Variants in GLIS3 observed in about 807,000 individuals in gnomAD.
GLIS3 encodes the protein GLIS family zinc finger 3.
Under a neutral mutation model 78.6 loss-of-function variants are expected in GLIS3, and 53 were observed. The observed-to-expected ratio is 0.67, with a 90% CI of 0.54 to 0.85. The LOEUF (loss-of-function observed/expected upper bound fraction) is 0.85. GLIS3 is among the 40% of genes least tolerant of loss of function. The pLI is 0.00. For missense variants in GLIS3, 1,703 were observed against 1,231.1 expected (o/e 1.38, Z -5.74); for synonymous variants, 684 against 509.9 (o/e 1.34, Z -4.60).
the GLIS3 span, among the ~76,000 whole-genome samples, chr9:4,479,331 G>A: frequency 6.6e-6 from 1 of 152,306 alleles, no homozygotes; most frequent in Non-Finnish European, 1.5e-5. Flanking sequence ...CTGGTGTCCA[G>A]AGCATTGTCC....
At chr9:4,379,722 A>G in the GLIS3 span, among the ~76,000 whole-genome samples, 1 of 152,246 alleles carries the variant, frequency 6.6e-6, no homozygotes. Context: ...AGGGAATAAA[A>G]CATATTCATT....
At position 4,245,600 on chromosome 9, in the gene GLIS3, T is replaced by C. The variant is rs527592531; in HGVS notation, c.388+40438A>G. Among the ~76,000 whole-genome samples, 60 of 152,126 alleles carry C rather than the reference T, an allele frequency of 3.9e-4. 1 individual carries two copies. The South Asian group carries it at 0.012, about 30-fold the overall frequency. The stretch of plus-strand genomic sequence containing the variant: ...TCTTAAATGAGTGAGTAAAGAACAA[T>C]GGAAACAAACAAGCAACTCCCTTAG... On this transcript the variant is annotated intron_variant, in intron 2 of 10. Transcript: ENST00000381971.
At chr9:4,112,248 C>T (rs1038677339) in intron 4 of GLIS3, among the ~76,000 whole-genome samples, 2 of 152,152 alleles carry the variant, frequency 1.3e-5, no homozygotes, top group African/African-American at 2.4e-5. Flanking sequence ...TCTGCCACTA[C>T]CAATCATTCT....
chr9:3,882,797 ACTT>A (rs1821822270), intron 7 of GLIS3, among the ~76,000 whole-genome samples: 1 of 152,200 alleles, frequency 6.6e-6, no homozygotes, highest in Non-Finnish European at 1.5e-5. Flanking sequence ...TGGAAAATGT[ACTT>A]CTTATCTAGG....
chr9:3,984,919 C>G (rs555727305), intron 4 of GLIS3, among the ~76,000 whole-genome samples: 2 of 152,220 alleles, frequency 1.3e-5, no homozygotes, highest in Admixed American at 6.5e-5. Context: ...GATTTCTTTG[C>G]CTGCTGCCAA....
At chr9:4,403,993 T>G in the GLIS3 span, among the ~76,000 whole-genome samples, 2 of 151,950 alleles carry the variant, frequency 1.3e-5, no homozygotes, top group Non-Finnish European at 2.9e-5. Flanking sequence ...ACTTCACCTA[T>G]AAAGGCACAC....
chr9:3,854,110 G>C (rs922806505), intron 9 of GLIS3, among the ~76,000 whole-genome samples: 2 of 152,172 alleles, frequency 1.3e-5, no homozygotes, highest in African/African-American at 4.8e-5. Context: ...CTACTGCCTG[G>C]AGTGGTGAGG....
the GLIS3 span, among the ~76,000 whole-genome samples, chr9:4,398,937 T>G: frequency 6.6e-6 from 1 of 152,198 alleles, no homozygotes; most frequent in African/African-American, 2.4e-5. Flanking sequence ...TCCACCTACC[T>G]TGGCCTCTCA....
chr9:3,892,314 G>C (rs1359495008), intron 7 of GLIS3, among the ~76,000 whole-genome samples: 1 of 152,184 alleles, frequency 6.6e-6, no homozygotes, highest in Non-Finnish European at 1.5e-5. Flanking sequence ...CAAGAAGGCA[G>C]CTGCAACTTC....
intron 4 of GLIS3, among the ~76,000 whole-genome samples, chr9:3,996,101 G>A (rs746212732): frequency 6.6e-6 from 1 of 152,056 alleles, no homozygotes; most frequent in Non-Finnish European, 1.5e-5. Flanking sequence ...GCAACATCAG[G>A]AGGAATCATA....
chr9:4,356,289 T>C, the GLIS3 span, among the ~76,000 whole-genome samples: 28 of 152,336 alleles, frequency 1.8e-4, no homozygotes, highest in African/African-American at 6.7e-4. Flanking sequence ...GACTGGGGAC[T>C]GGTATGTGCA....
intron 2 of GLIS3, among the ~76,000 whole-genome samples, chr9:4,256,911 C>T (rs917551043): frequency 1.6e-4 from 25 of 152,228 alleles, no homozygotes; most frequent in African/African-American, 3.1e-4. Flanking sequence ...TTCACTGAAG[C>T]ATTATTCTCA....
chr9:3,964,872 GAGAAA>G (rs997663091), intron 4 of GLIS3, among the ~76,000 whole-genome samples: 8 of 152,156 alleles, frequency 5.3e-5, no homozygotes, highest in Non-Finnish European at 8.8e-5. Context: ...TTATCTTAAA[GAGAAA>G]AGAAATGTTC....
At chr9:4,135,613 T>C (rs1833350666) in intron 2 of GLIS3, among the ~76,000 whole-genome samples, 1 of 152,216 alleles carries the variant, frequency 6.6e-6, no homozygotes, top group African/African-American at 2.4e-5. Flanking sequence ...TATTCATTCT[T>C]ATAATGAAAT....
At chr9:4,259,880 C>T (rs780466059) in intron 2 of GLIS3, among the ~76,000 whole-genome samples, 5 of 152,154 alleles carry the variant, frequency 3.3e-5, no homozygotes, top group Admixed American at 6.5e-5. Context: ...AGGTGTAAAA[C>T]GGAGAAAATG....
chr9:4,256,288 C>A (rs1297495736), intron 2 of GLIS3, among the ~76,000 whole-genome samples: 1 of 152,042 alleles, frequency 6.6e-6, no homozygotes, highest in Non-Finnish European at 1.5e-5. Context: ...TACCATTCAG[C>A]AAATTAAATT....
In GLIS3 at chr9:4,180,797, G is replaced by A. The variant is rs749378746; in HGVS notation, c.389-54856C>T. On this transcript the variant is annotated intron_variant, in intron 2 of 10. Coordinates refer to ENST00000381971, the MANE Select transcript of GLIS3 (RefSeq NM_001042413.2). ...CCACCACCATCCCAAACTGAGGAGC[G>A]GCGGTGTAGCAGAGGGCAAAATACC... is the stretch of plus-strand genomic sequence containing the variant. Among the ~76,000 whole-genome samples the A allele has an allele frequency of 2.6e-5, 4 of 152,160 alleles. 1 individual carries two copies. Among genetic ancestry groups the A allele is most frequent in the Non-Finnish European group, 5.9e-5 (4 of 68,028 alleles).
At chr9:4,380,712 T>C in the GLIS3 span, among the ~76,000 whole-genome samples, 1 of 152,200 alleles carries the variant, frequency 6.6e-6, no homozygotes, top group Admixed American at 6.5e-5. Context: ...TCATTACCAA[T>C]CAAATATGAA....
intron 4 of GLIS3, among the ~76,000 whole-genome samples, chr9:4,003,308 T>G (rs113567653): frequency 6.6e-6 from 1 of 152,082 alleles, no homozygotes; most frequent in African/African-American, 2.4e-5. Flanking sequence ...TATAACAGAA[T>G]TCTCCATAGC....
Sources: gnomAD v4.1 joint callset for allele counts (sites outside exome capture counted in the v4.1 genomes callset) on GRCh38, gnomAD v4.1.1 for gene constraint, MANE v1.5 for transcripts, NCBI Gene and HGNC (gene_info 2026-07-23, HGNC 2026-07-21) for gene names.